Variants in MSRA observed in about 807,000 individuals in gnomAD.
The protein encoded by MSRA is mitochondrial peptide methionine sulfoxide reductase.
Under a neutral mutation model 31.3 loss-of-function variants are expected in MSRA, and 54 were observed. That is an observed-to-expected ratio of 1.73 (90% CI 1.39 to 2.17). MSRA has a LOEUF of 2.17. MSRA is among the 30% of genes most tolerant of loss of function. MSRA has a pLI of 0.00. For missense variants in MSRA, 507 were observed against 300.9 expected (o/e 1.69, Z -5.07); for synonymous variants, 169 against 116.5 (o/e 1.45, Z -2.90).
intron 1 of MSRA, among the ~76,000 whole-genome samples, chr8:10,120,855 C>T (rs1423083533): frequency 6.6e-6 from 1 of 152,144 alleles, no homozygotes; most frequent in African/African-American, 2.4e-5. Flanking sequence ...TGTCTCTGTG[C>T]ACCTGTACAC....
chr8:10,061,421 C>G (rs1276515388), intron 1 of MSRA, among the ~76,000 whole-genome samples: 1 of 152,174 alleles, frequency 6.6e-6, no homozygotes, highest in Non-Finnish European at 1.5e-5. Context: ...TTCTCTCCAA[C>G]CTAAGTGATC....
intron 1 of MSRA, among the ~76,000 whole-genome samples, chr8:10,164,353 G>C (rs933488491): frequency 2.0e-5 from 3 of 152,120 alleles, no homozygotes; most frequent in Admixed American, 6.5e-5. Context: ...TGGGGCTGTC[G>C]TGTATTTTGG....
At chr8:10,171,579 C>A (rs1187071142) in intron 1 of MSRA, among the ~76,000 whole-genome samples, 1 of 152,166 alleles carries the variant, frequency 6.6e-6, no homozygotes, top group Non-Finnish European at 1.5e-5. Flanking sequence ...CAGCATTGCC[C>A]TTCCCTCAGT....
At chr8:10,235,047 A>G (rs987589075) in intron 2 of MSRA, among the ~76,000 whole-genome samples, 5 of 152,172 alleles carry the variant, frequency 3.3e-5, no homozygotes, top group African/African-American at 1.2e-4. Flanking sequence ...TAGATGATTT[A>G]CATAACAAAT....
At chr8:10,220,717 T>C (rs1350181865) in intron 2 of MSRA, among the ~76,000 whole-genome samples, 2 of 152,194 alleles carry the variant, frequency 1.3e-5, no homozygotes, top group Non-Finnish European at 2.9e-5. Context: ...AGCACCCTTA[T>C]ATGGATTCAG....
intron 5 of MSRA, among the ~76,000 whole-genome samples, chr8:10,397,028 C>T (rs1807138833): frequency 6.6e-6 from 1 of 152,224 alleles, no homozygotes; most frequent in Admixed American, 6.5e-5. Flanking sequence ...GGATTGTTCT[C>T]CATCTCTAGA....
At chr8:10,118,939 C>G (rs1477980332) in intron 1 of MSRA, among the ~76,000 whole-genome samples, 4 of 152,168 alleles carry the variant, frequency 2.6e-5, no homozygotes, top group Admixed American at 2.6e-4. Context: ...CTTGGCTTTC[C>G]TGGTCCAGCC....
chr8:10,145,195 G>A (rs577894509), intron 1 of MSRA, among the ~76,000 whole-genome samples: 2 of 152,318 alleles, frequency 1.3e-5, no homozygotes, highest in East Asian at 3.9e-4. Flanking sequence ...GCAGTGCGAG[G>A]CGAGAACCGT....
intron 1 of MSRA, among the ~76,000 whole-genome samples, chr8:10,068,584 C>G (rs553747124): frequency 1.3e-5 from 2 of 152,254 alleles, no homozygotes; most frequent in Non-Finnish European, 2.9e-5. Context: ...CATCGTATTG[C>G]CTTTGCTCAT....
chr8:10,227,110 A>G (rs76140894), intron 2 of MSRA, among the ~76,000 whole-genome samples: 102 of 152,346 alleles, frequency 6.7e-4, no homozygotes, highest in South Asian at 1.4e-3. Context: ...AGTGAGGCAC[A>G]TTCTGAGGAG....
chr8:10,108,399 G>C (rs574651511), intron 1 of MSRA, among the ~76,000 whole-genome samples: 2 of 152,318 alleles, frequency 1.3e-5, no homozygotes, highest in East Asian at 3.9e-4. Flanking sequence ...GACTCCCACT[G>C]ACTTGCACCT....
At chr8:10,360,620 A>T (rs1172170433) in intron 5 of MSRA, among the ~76,000 whole-genome samples, 2 of 152,204 alleles carry the variant, frequency 1.3e-5, no homozygotes, top group African/African-American at 4.8e-5. Context: ...CATGGATTCG[A>T]TAAATGTTTG....
chr8:10,323,446 A>G (rs560525470), intron 5 of MSRA, among the ~76,000 whole-genome samples: 3 of 152,258 alleles, frequency 2.0e-5, no homozygotes, highest in Middle Eastern at 3.4e-3. Flanking sequence ...GGTGTTTGCA[A>G]TGAAGATTTT....
At chr8:10,136,434 C>G (rs543865357) in intron 1 of MSRA, among the ~76,000 whole-genome samples, 1 of 152,330 alleles carries the variant, frequency 6.6e-6, no homozygotes, top group Non-Finnish European at 1.5e-5. Context: ...CACCATTCCT[C>G]TCTCGTACGC....
chr8:10,113,556 G>A (rs922684857), intron 1 of MSRA, among the ~76,000 whole-genome samples: 1 of 151,676 alleles, frequency 6.6e-6, no homozygotes, highest in East Asian at 1.9e-4. Flanking sequence ...TGTTGACAGT[G>A]AGAAGTGGTG....
At chr8:10,230,415 T>C (rs1342007779) in intron 2 of MSRA, among the ~76,000 whole-genome samples, 10 of 152,118 alleles carry the variant, frequency 6.6e-5, no homozygotes, top group African/African-American at 2.4e-4. Flanking sequence ...AGGGTGGCCA[T>C]AGGACAAAGG....
At chr8:10,348,212 C>G (rs1803905551) in intron 5 of MSRA, among the ~76,000 whole-genome samples, 1 of 152,124 alleles carries the variant, frequency 6.6e-6, no homozygotes, top group Non-Finnish European at 1.5e-5. Flanking sequence ...AGTGTTTACT[C>G]AGCCCTTCCT....
chr8:10,122,435 C>G (rs769099136), intron 1 of MSRA, among the ~76,000 whole-genome samples: 3 of 151,954 alleles, frequency 2.0e-5, no homozygotes, highest in Non-Finnish European at 4.4e-5. Context: ...AAAAACAAAA[C>G]TGTGATGTAA....
intron 3 of MSRA, among the ~76,000 whole-genome samples, chr8:10,283,836 T>TATACACACACACACAC (rs1261287031): frequency 4.3e-4 from 23 of 53,152 alleles, no homozygotes; most frequent in African/African-American, 1.3e-3. Context: ...TATATATATA[T>TATACACACACACACAC]ACACACACAC....
Sources: gnomAD v4.1 joint callset for allele counts (sites outside exome capture counted in the v4.1 genomes callset) on GRCh38, gnomAD v4.1.1 for gene constraint, MANE v1.5 for transcripts, NCBI Gene and HGNC (gene_info 2026-07-23, HGNC 2026-07-21) for gene names.